Variants in LONP2 observed in about 807,000 individuals in gnomAD.
LONP2 encodes lon protease homolog 2, peroxisomal.
Under a neutral mutation model 85.6 loss-of-function variants are expected in LONP2, and 60 were observed. The ratio of observed to expected loss-of-function variants is 0.70; its 90% CI spans 0.57 to 0.87. The LOEUF (loss-of-function observed/expected upper bound fraction) is 0.87, where lower values mean the gene tolerates loss of function less well. Ranked by LOEUF, LONP2 falls within the 40% of genes least tolerant of loss-of-function variation. The probability of loss-of-function intolerance (pLI) is 0.00; values close to 1 mark genes in which losing one functional copy is unlikely to be tolerated. For missense variants in LONP2, 860 were observed against 1,063.5 expected (o/e 0.81, Z 2.66); for synonymous variants, 395 against 389.7 (o/e 1.01, Z -0.16).
At chr16:48,293,529 C>T (rs532210135) in intron 8 of LONP2, among the ~76,000 whole-genome samples, 2 of 151,922 alleles carry the variant, frequency 1.3e-5, no homozygotes, top group Admixed American at 6.5e-5. Flanking sequence ...TGGGAGACTA[C>T]GTATAAGAAA....
Position 48,356,363 on chromosome 16 carries a change from A to G in LONP2, c.*4561A>G, listed in dbSNP as rs1960353738. Reference sequence around the variant, plus strand: ...GCTACAAAGAATGTTAGTTTTGCCAATTCCCTTTCCAAATCTAAAATTTAT... The same window carrying G: ...GCTACAAAGAATGTTAGTTTTGCCAGTTCCCTTTCCAAATCTAAAATTTAT... On this transcript the variant is annotated 3_prime_UTR_variant, in exon 15 of 15. Transcript: ENST00000285737. 1 of 153,104 alleles carries G rather than the reference A, an allele frequency of 6.5e-6. No individual in the cohort carries two copies. Among genetic ancestry groups the G allele is most frequent in the Non-Finnish European group, 1.5e-5 (1 of 68,566 alleles). 9.5% of individuals were successfully genotyped at this position (153,104 alleles called of 1,614,324 possible). A position where few individuals can be genotyped will look rare whatever the true frequency, so the allele number is the denominator to read the frequency against.
rs772413713 is a variant in LONP2, at chr16:48,351,579, A to C, written c.2338-2A>C. Reference sequence around the variant, plus strand: ...CCTAAAAACTTTTTTCTCTCCTTACAGGTGGGTGGAATTAAAGACAAAGTG... The same window carrying C: ...CCTAAAAACTTTTTTCTCTCCTTACCGGTGGGTGGAATTAAAGACAAAGTG... On this transcript the variant is annotated splice_acceptor_variant, in intron 14 of 14. Coordinates refer to ENST00000285737, the MANE Select transcript of LONP2 (RefSeq NM_031490.5). LOFTEE classifies it high-confidence loss of function. The C allele has an allele frequency of 2.9e-5, 47 of 1,613,342 alleles. No individual in the cohort carries two copies. In the Admixed American group the frequency reaches 5.7e-4, roughly 19 times the overall value.
intron 14 of LONP2, among the ~76,000 whole-genome samples, chr16:48,350,085 G>C (rs1960092856): frequency 6.6e-6 from 1 of 152,120 alleles, no homozygotes; most frequent in Non-Finnish European, 1.5e-5. Flanking sequence ...TACAAAAATT[G>C]TTTTAAAAAT....
chr16:48,345,419 A>C (rs1959932123), intron 12 of LONP2: 1 of 152,256 alleles, frequency 6.6e-6, no homozygotes. Context: ...GCCTGAATGA[A>C]GTCTAATTTG....
chr16:48,345,424 A>G (rs971670356), intron 12 of LONP2: 1 of 152,240 alleles, frequency 6.6e-6, no homozygotes, highest in Non-Finnish European at 1.5e-5. Flanking sequence ...AATGAAGTCT[A>G]ATTTGGGTGA....
intron 8 of LONP2, among the ~76,000 whole-genome samples, chr16:48,283,601 C>G (rs1450690961): frequency 6.6e-6 from 1 of 152,154 alleles, no homozygotes; most frequent in Non-Finnish European, 1.5e-5. Context: ...TTACTAAGTA[C>G]TTTAAGCCCA....
intron 11 of LONP2, among the ~76,000 whole-genome samples, chr16:48,328,993 G>T (rs1959350355): frequency 6.6e-6 from 1 of 152,240 alleles, no homozygotes; most frequent in South Asian, 2.1e-4. Context: ...GATACAAAGA[G>T]GTAAAGTCAC....
At chr16:48,270,339 A>G (rs1972078100) in intron 7 of LONP2, 65 bp downstream of exon 7, 1 of 1,549,792 alleles carries the variant, frequency 6.5e-7, no homozygotes, top group African/African-American at 1.4e-5. Context: ...GAGCTCCCTA[A>G]AAGCTTAGGC....
intron 1 of LONP2, among the ~76,000 whole-genome samples, chr16:48,249,218 C>T (rs542914828): frequency 6.6e-6 from 1 of 152,086 alleles, no homozygotes; most frequent in Non-Finnish European, 1.5e-5. Context: ...CTTCTTTGAA[C>T]AATATCATAA....
In LONP2 at chr16:48,355,187, G is replaced by A. The variant is rs1286279734; in HGVS notation, c.*3385G>A. 1 of 152,090 alleles carries A rather than the reference G, an allele frequency of 6.6e-6. No individual in the cohort carries two copies. Among genetic ancestry groups the A allele is most frequent in the Non-Finnish European group, 1.5e-5 (1 of 68,042 alleles). 9.4% of individuals were successfully genotyped at this position (152,090 alleles called of 1,614,324 possible). A position where few individuals can be genotyped will look rare whatever the true frequency, so the allele number is the denominator to read the frequency against. ...GGAGCAGAACTACTAGATCACATAT[G>A]CTAAGGTCTGAATGTCCCCCCACCA... On this transcript the variant is annotated 3_prime_UTR_variant, in exon 15 of 15. Transcript: ENST00000285737.
chr16:48,334,430 AGGGCCTG>A (rs1596994816), intron 12 of LONP2, 72 bp downstream of exon 12: 1 of 1,569,098 alleles, frequency 6.4e-7, no homozygotes, highest in East Asian at 2.2e-5. Flanking sequence ...CCAGGGCCGT[AGGGCCTG>A]GGCAGGAGGC....
chr16:48,320,591 A>T (rs934796928), intron 11 of LONP2, among the ~76,000 whole-genome samples: 1 of 152,166 alleles, frequency 6.6e-6, no homozygotes, highest in African/African-American at 2.4e-5. Flanking sequence ...ATTTGATGGG[A>T]TACTAGGCAG....
chr16:48,278,534 T>G (rs958398206), intron 8 of LONP2, among the ~76,000 whole-genome samples: 1 of 152,238 alleles, frequency 6.6e-6, no homozygotes, highest in Non-Finnish European at 1.5e-5. Context: ...CATACTTGAT[T>G]AGTAATTTGA....
Position 48,258,625 on chromosome 16 carries a change from A to G in LONP2, c.608A>G (p.Asp203Gly), listed in dbSNP as rs753989357. 11 of 1,594,882 alleles carry G rather than the reference A, an allele frequency of 6.9e-6. No individual in the cohort carries two copies. In the South Asian group the frequency reaches 1.0e-4, roughly 15 times the overall value. The change falls in exon 4 of 15, where the codon GAT becomes GGT. Residue 203 changes from aspartate (D) to glycine (G), a missense_variant. By Grantham distance (94) the Asp-to-Gly change is moderately conservative. Transcript: ENST00000285737. Reference protein sequence around the residue: ...TSNKEKLQILDAVSLEERFKM... With the variant: ...TSNKEKLQILGAVSLEERFKM... ...TGACTCACATTTCCTTAGATTTTAG[A>G]TGCTGTGAGCCTAGAGGAGCGGTTC...
At chr16:48,338,348 A>G (rs1461618663) in intron 12 of LONP2, among the ~76,000 whole-genome samples, 1 of 152,230 alleles carries the variant, frequency 6.6e-6, no homozygotes, top group Non-Finnish European at 1.5e-5. Context: ...AGTTGATGCT[A>G]TAGAGAAAAC....
chr16:48,298,626 G>GGTGTGTGTGTGTGTGT (rs3138605), intron 9 of LONP2, among the ~76,000 whole-genome samples: 35 of 134,396 alleles, frequency 2.6e-4, no homozygotes, highest in East Asian at 4.5e-4. Context: ...ATTTAATTGA[G>GGTGTGTGTGTGTGTGT]GTGTGTGTGT....
intron 8 of LONP2, 22 bp downstream of exon 8, chr16:48,277,501 G>C: frequency 6.2e-7 from 1 of 1,610,228 alleles, no homozygotes; most frequent in Non-Finnish European, 8.5e-7. Flanking sequence ...AAAATTCCCT[G>C]TCTGTCTTCA....
Position 48,351,836 on chromosome 16 carries a change from T to TGAA in LONP2, c.*36_*38dup. The TGAA allele has an allele frequency of 6.4e-7, 1 of 1,559,394 alleles. No homozygotes were observed. The highest frequency in any genetic ancestry group is 8.8e-7 in the Non-Finnish European group (1 of 1,132,150). On this transcript the variant is annotated 3_prime_UTR_variant, in exon 15 of 15. Coordinates refer to ENST00000285737, the MANE Select transcript of LONP2 (RefSeq NM_031490.5). The stretch of plus-strand genomic sequence containing the variant: ...CTCAATTTTTTAGAATTTTAAGTTA[T>TGAA]GAAGTGCTCAAAGGTACTGACACAG...
Position 48,347,547 on chromosome 16 carries a change from T to C in LONP2, c.1979T>C (p.Leu660Ser). Residue 660 changes from leucine to serine, a missense_variant, in exon 13 of 15, where the codon TTG (leucine) becomes TCG (serine). By Grantham distance (145) the Leu-to-Ser change is moderately radical. Around this residue, in one of 3 missense-constraint regions of LONP2, gnomAD observed 743 missense variants for 917.3 expected, o/e 0.81. Coordinates refer to ENST00000285737, the MANE Select transcript of LONP2 (RefSeq NM_031490.5). ...AGTCAGCCAGGAGTAGCAATAGGTT[T>C]GGCTTGGACTCCCTTAGGTGGAGAA... ...RLSQPGVAIGLAWTPLGGEIM... is the reference protein window; with the variant it reads ...RLSQPGVAIGSAWTPLGGEIM... 1 of 1,614,248 alleles carries C rather than the reference T, an allele frequency of 6.2e-7. No homozygotes were observed. The highest frequency in any genetic ancestry group is 8.5e-7 in the Non-Finnish European group (1 of 1,180,034).
Sources: allele counts gnomAD v4.1 joint callset (sites outside exome capture counted in the v4.1 genomes callset), GRCh38; gene constraint gnomAD v4.1.1; regional missense constraint gnomAD v4.1.1; transcripts MANE v1.5; gene names NCBI Gene and HGNC (gene_info 2026-07-23, HGNC 2026-07-21).